The following DCLK1 variants were observed in gnomAD, a reference collection of about 807,000 sequenced individuals.
DCLK1 encodes doublecortin like kinase 1.
A neutral mutation model predicts 86.2 loss-of-function variants in DCLK1; 16 were observed. That is an observed-to-expected ratio of 0.19 (90% CI 0.13 to 0.28). The LOEUF (loss-of-function observed/expected upper bound fraction) is 0.28. DCLK1 is among the 10% of genes least tolerant of loss of function. DCLK1 has a pLI of 1.00. For missense variants in DCLK1, 590 were observed against 940.2 expected, an observed-to-expected ratio of 0.63 and a Z score of 4.87; for synonymous variants, 369 against 370.5, an observed-to-expected ratio of 1.00 and a Z score of 0.05.
At chr13:35,958,541 C>T (rs1446495717) in intron 3 of DCLK1, among the ~76,000 whole-genome samples, 1 of 151,712 alleles carries the variant, frequency 6.6e-6, no homozygotes, top group Non-Finnish European at 1.5e-5. Context: ...ACTACCAATA[C>T]CACCACCACC....
At chr13:35,928,486 C>A (rs973450859) in intron 4 of DCLK1, among the ~76,000 whole-genome samples, 38 of 152,294 alleles carry the variant, frequency 2.5e-4, no homozygotes, top group African/African-American at 8.7e-4. Context: ...TTGCCCCCTG[C>A]AGCCTCCCCA....
At chr13:36,089,369 C>A (rs1447001369) in intron 3 of DCLK1, among the ~76,000 whole-genome samples, 2 of 152,192 alleles carry the variant, frequency 1.3e-5, no homozygotes, top group Admixed American at 6.5e-5. Context: ...GAAGCACAGG[C>A]TTTCCTCAAT....
At chr13:36,118,481 G>A (rs1344191869) in intron 2 of DCLK1, among the ~76,000 whole-genome samples, 1 of 152,072 alleles carries the variant, frequency 6.6e-6, no homozygotes, top group African/African-American at 2.4e-5. Flanking sequence ...CACCACAATA[G>A]ATACAATTAG....
intron 5 of DCLK1, chr13:35,869,187 G>A (rs7986427): frequency 0.28 from 133,969 of 481,026 alleles, 19,877 homozygotes; most frequent in African/African-American, 0.41. Flanking sequence ...AGCTGGACAA[G>A]CTCAGTTCTT....
chr13:35,967,892 A>G (rs539918887), intron 3 of DCLK1, among the ~76,000 whole-genome samples: 11 of 152,088 alleles, frequency 7.2e-5, no homozygotes, highest in Non-Finnish European at 1.0e-4. Context: ...GCGGTGGTAC[A>G]TTGCTGTGGT....
In DCLK1 at chr13:35,772,663, C is replaced by A. The variant is rs1273692256; in HGVS notation, c.*1872G>T. On this transcript the variant is annotated 3_prime_UTR_variant, in exon 17 of 17. Coordinates refer to ENST00000360631, the MANE Select transcript of DCLK1 (RefSeq NM_001330071.2). The stretch of plus-strand genomic sequence containing the variant: ...TTGCGTGTTATCACTTCCGGATGCT[C>A]TAAAAGGGGGGGAAAAAAACCTCAA... 1 of 142,678 alleles carries A rather than the reference C, an allele frequency of 7.0e-6. No individual in the cohort carries two copies. Among genetic ancestry groups the A allele is most frequent in the Non-Finnish European group, 1.5e-5 (1 of 66,290 alleles). 8.8% of individuals were successfully genotyped at this position (142,678 alleles called of 1,614,324 possible).
intron 11 of DCLK1, among the ~76,000 whole-genome samples, chr13:35,812,045 A>C (rs1233455283): frequency 6.6e-6 from 1 of 152,174 alleles, no homozygotes; most frequent in Non-Finnish European, 1.5e-5. Flanking sequence ...CATCCTGTCC[A>C]GGTTTCCCTT....
At chr13:35,915,698 C>T (rs1328889194) in intron 4 of DCLK1, among the ~76,000 whole-genome samples, 2 of 152,094 alleles carry the variant, frequency 1.3e-5, no homozygotes, top group African/African-American at 4.8e-5. Context: ...TGAGACCCCA[C>T]CTCAAAAACA....
chr13:35,970,768 G>A (rs1157769336), intron 3 of DCLK1, among the ~76,000 whole-genome samples: 1 of 152,036 alleles, frequency 6.6e-6, no homozygotes, highest in East Asian at 1.9e-4. Flanking sequence ...ACTCAGCCTC[G>A]GGTATTCTGT....
chr13:35,862,747 T>C (rs1871496502), intron 5 of DCLK1, among the ~76,000 whole-genome samples: 3 of 152,210 alleles, frequency 2.0e-5, no homozygotes, highest in African/African-American at 7.2e-5. Flanking sequence ...TCTTTGTGCC[T>C]TAGCTCACAC....
In DCLK1 at chr13:35,946,033, G is replaced by C. The variant is rs578154299; in HGVS notation, c.823+1325C>G. On this transcript the variant is annotated intron_variant, in intron 4 of 16. Coordinates refer to ENST00000360631, the MANE Select transcript of DCLK1 (RefSeq NM_001330071.2). ...CACACTCTAAGTCATTTTTTTGGGGGACAGGGTCTTGCTCTATCGCCCAGA... is the reference window on the plus strand; with the variant it reads ...CACACTCTAAGTCATTTTTTTGGGGCACAGGGTCTTGCTCTATCGCCCAGA... Among the ~76,000 whole-genome samples, 50 of 152,104 alleles carry C rather than the reference G, an allele frequency of 3.3e-4. No individual in the cohort carries two copies. The South Asian group carries it at 9.1e-3, about 28-fold the overall frequency.
At chr13:36,029,262 G>T (rs564558561) in intron 3 of DCLK1, among the ~76,000 whole-genome samples, 19 of 152,186 alleles carry the variant, frequency 1.2e-4, no homozygotes, top group African/African-American at 4.6e-4. Flanking sequence ...CAACTCTATT[G>T]CACACTCTCA....
intron 16 of DCLK1, among the ~76,000 whole-genome samples, chr13:35,784,762 T>A (rs1294087555): frequency 6.6e-6 from 1 of 152,038 alleles, no homozygotes; most frequent in South Asian, 2.1e-4. Flanking sequence ...GCGTTCTCAC[T>A]CTGCAGAGCA....
chr13:35,985,379 A>AAAAC (rs111386771), intron 3 of DCLK1, among the ~76,000 whole-genome samples: 4,689 of 146,138 alleles, frequency 0.032, 183 homozygotes, highest in East Asian at 0.21. Context: ...TGCTCTTTGA[A>AAAAC]AAACAAACAA....
At chr13:35,945,056 A>C (rs367654722) in intron 4 of DCLK1, among the ~76,000 whole-genome samples, 1 of 152,028 alleles carries the variant, frequency 6.6e-6, no homozygotes, top group Non-Finnish European at 1.5e-5. Flanking sequence ...ATGCACCACC[A>C]TGCCTGGCTA....
chr13:35,964,781 G>GAAA (rs10533073), intron 3 of DCLK1, among the ~76,000 whole-genome samples: 3 of 130,250 alleles, frequency 2.3e-5, no homozygotes, highest in African/African-American at 2.7e-5. Context: ...AAAATGGTTG[G>GAAA]AAAAAAAAAA....
At chr13:36,078,895 C>T (rs761076534) in intron 3 of DCLK1, among the ~76,000 whole-genome samples, 1 of 152,148 alleles carries the variant, frequency 6.6e-6, no homozygotes, top group Non-Finnish European at 1.5e-5. Context: ...GCAACTCCCC[C>T]TCTAAAATGT....
chr13:35,863,172 A>C (rs905992370), intron 5 of DCLK1, among the ~76,000 whole-genome samples: 1 of 152,216 alleles, frequency 6.6e-6, no homozygotes, highest in Non-Finnish European at 1.5e-5. Flanking sequence ...TGTACACTCT[A>C]GGATGTTCAC....
intron 4 of DCLK1, among the ~76,000 whole-genome samples, chr13:35,938,884 C>T (rs1876920945): frequency 6.6e-6 from 1 of 151,990 alleles, no homozygotes; most frequent in Admixed American, 6.6e-5. Context: ...AAAAGGAAGG[C>T]CTGTGAGGAC....
Sources: allele counts gnomAD v4.1 joint callset (sites outside exome capture counted in the v4.1 genomes callset), GRCh38; gene constraint gnomAD v4.1.1; transcripts MANE v1.5; gene names NCBI Gene and HGNC (gene_info 2026-07-23, HGNC 2026-07-21).